ADGRB3: variants seen among roughly 807,000 people sequenced by gnomAD.
ADGRB3 encodes brain-specific angiogenesis inhibitor 3.
ADGRB3 carries 37 observed loss-of-function variants against 193.4 expected under a neutral mutation model. The ratio of observed to expected loss-of-function variants is 0.19; its 90% CI spans 0.15 to 0.25. ADGRB3 has a LOEUF of 0.25. ADGRB3 is among the 10% of genes least tolerant of loss of function. The pLI is 1.00. For synonymous variants in ADGRB3, 690 were observed against 644.2 expected, an observed-to-expected ratio of 1.07 and a Z score of -1.08; for missense variants, 1,637 against 1,852.9, an observed-to-expected ratio of 0.88 and a Z score of 2.14.
intron 20 of ADGRB3, among the ~76,000 whole-genome samples, chr6:69,319,445 A>G (rs528428977): frequency 2.0e-5 from 3 of 151,438 alleles, no homozygotes; most frequent in South Asian, 4.1e-4. Context: ...AATATTACAA[A>G]GAAAGAATGT....
chr6:68,774,078 A>G (rs1433889379), intron 3 of ADGRB3, among the ~76,000 whole-genome samples: 1 of 152,132 alleles, frequency 6.6e-6, no homozygotes, highest in Non-Finnish European at 1.5e-5. Context: ...AAGAAGACAG[A>G]GTGATGTCTA....
chr6:68,682,479 C>T (rs1240995437), intron 3 of ADGRB3, among the ~76,000 whole-genome samples: 3 of 152,152 alleles, frequency 2.0e-5, no homozygotes. Flanking sequence ...ATGCACTGCA[C>T]AAGTTATTTG....
intron 17 of ADGRB3, among the ~76,000 whole-genome samples, chr6:69,226,293 A>G (rs1407515244): frequency 6.6e-6 from 1 of 152,232 alleles, no homozygotes; most frequent in Non-Finnish European, 1.5e-5. Flanking sequence ...TTAATGATGA[A>G]TAAATATTTG....
intron 13 of ADGRB3, among the ~76,000 whole-genome samples, chr6:69,029,017 T>C (rs931742720): frequency 5.3e-5 from 8 of 152,196 alleles, no homozygotes; most frequent in African/African-American, 1.9e-4. Context: ...CCTACATCAG[T>C]GCCTCCCATT....
chr6:68,836,655 A>G (rs1768051672), intron 3 of ADGRB3, among the ~76,000 whole-genome samples: 1 of 152,118 alleles, frequency 6.6e-6, no homozygotes, highest in Admixed American at 6.6e-5. Context: ...GAGAGCAACA[A>G]CACATAATTT....
At chr6:68,784,238 G>A (rs547807004) in intron 3 of ADGRB3, among the ~76,000 whole-genome samples, 41 of 152,176 alleles carry the variant, frequency 2.7e-4, no homozygotes, top group African/African-American at 8.2e-4. Context: ...AACTGTTGCC[G>A]TAAGTCTACT....
chr6:69,207,445 A>G (rs1486622307), intron 17 of ADGRB3, among the ~76,000 whole-genome samples: 1 of 152,162 alleles, frequency 6.6e-6, no homozygotes, highest in Non-Finnish European at 1.5e-5. Context: ...TGGTTATAGG[A>G]GGGGCCAAAT....
At chr6:68,698,062 A>G (rs188444881) in intron 3 of ADGRB3, among the ~76,000 whole-genome samples, 64 of 151,946 alleles carry the variant, frequency 4.2e-4, no homozygotes, top group African/African-American at 1.4e-3. Flanking sequence ...CACAAATGCT[A>G]TATACATGAT....
At chr6:69,100,864 AGGAAGGAAGAAG>A (rs1773019341) in intron 17 of ADGRB3, among the ~76,000 whole-genome samples, 1 of 6,078 alleles carries the variant, frequency 1.6e-4, no homozygotes, top group Non-Finnish European at 3.6e-4. Flanking sequence ...GAAGGAAGGA[AGGAAGGAAGAAG>A]GAAGGGAGGG....
At chr6:69,089,575 T>A (rs1772648145) in intron 17 of ADGRB3, among the ~76,000 whole-genome samples, 1 of 152,164 alleles carries the variant, frequency 6.6e-6, no homozygotes, top group Admixed American at 6.5e-5. Flanking sequence ...AATAAAAAAA[T>A]AAAAACTTAT....
intron 17 of ADGRB3, among the ~76,000 whole-genome samples, chr6:69,205,678 T>A (rs1306537267): frequency 6.6e-6 from 1 of 152,084 alleles, no homozygotes; most frequent in East Asian, 1.9e-4. Flanking sequence ...GGGCCAAACA[T>A]ATCTTTTTAT....
At chr6:68,976,763 G>T (rs1768760942) in intron 10 of ADGRB3, among the ~76,000 whole-genome samples, 1 of 152,106 alleles carries the variant, frequency 6.6e-6, no homozygotes, top group South Asian at 2.1e-4. Flanking sequence ...AAGAGGAGGG[G>T]TTGGTCTTGC....
chr6:69,284,826 A>G (rs1445165973), intron 20 of ADGRB3, among the ~76,000 whole-genome samples: 1 of 152,168 alleles, frequency 6.6e-6, no homozygotes, highest in East Asian at 1.9e-4. Flanking sequence ...AACAAAAAAA[A>G]AAGATTATTG....
intron 3 of ADGRB3, among the ~76,000 whole-genome samples, chr6:68,847,609 A>C (rs1362704189): frequency 6.6e-6 from 1 of 152,108 alleles, no homozygotes; most frequent in Non-Finnish European, 1.5e-5. Flanking sequence ...GCCATGTAAG[A>C]AGTGTCTTTT....
At chr6:68,721,648 AT>A (rs1189594914) in intron 3 of ADGRB3, among the ~76,000 whole-genome samples, 6 of 147,032 alleles carry the variant, frequency 4.1e-5, no homozygotes, top group East Asian at 4.0e-4. Context: ...ATATATATAT[AT>A]ATATATAAAT....
chr6:69,357,054 T>C (rs982497702), intron 28 of ADGRB3, among the ~76,000 whole-genome samples: 1 of 152,092 alleles, frequency 6.6e-6, no homozygotes, highest in Non-Finnish European at 1.5e-5. Flanking sequence ...CCAATCCAAG[T>C]ATTTTTTTCT....
intron 3 of ADGRB3, among the ~76,000 whole-genome samples, chr6:68,800,472 TCTC>T (rs1475853564): frequency 2.0e-5 from 3 of 152,020 alleles, no homozygotes; most frequent in Non-Finnish European, 2.9e-5. Flanking sequence ...TTAGATGAGA[TCTC>T]CTAGACTAGA....
At chr6:69,332,294 A>G (rs1205856921) in intron 23 of ADGRB3, 1 of 985,286 alleles carries the variant, frequency 1.0e-6, no homozygotes, top group East Asian at 1.1e-4. Flanking sequence ...AAAGAAAATG[A>G]TAGAACTGTA....
At chr6:69,000,042 A>G (rs1189326831) in intron 11 of ADGRB3, among the ~76,000 whole-genome samples, 1 of 152,156 alleles carries the variant, frequency 6.6e-6, no homozygotes, top group Admixed American at 6.5e-5. Context: ...TCAGTAGAGG[A>G]TTGAGTTGGC....
Sources: allele counts gnomAD v4.1 joint callset (sites outside exome capture counted in the v4.1 genomes callset), GRCh38; gene constraint gnomAD v4.1.1; transcripts MANE v1.5; gene names NCBI Gene and HGNC (gene_info 2026-07-23, HGNC 2026-07-21).